The following WDFY4 variants were observed in gnomAD, a reference collection of about 807,000 sequenced individuals.
WDFY4 encodes WD repeat- and FYVE domain-containing protein 4.
A neutral mutation model predicts 351.9 loss-of-function variants in WDFY4; 169 were observed. That is an observed-to-expected ratio of 0.48 (90% CI 0.42 to 0.55). The LOEUF is 0.55. Among genes scored for constraint, WDFY4 ranks in the 20% least tolerant of loss-of-function variants. The pLI, the probability that WDFY4 is intolerant of heterozygous loss-of-function variation, is 0.00. For missense variants in WDFY4, 3,803 were observed against 3,935.6 expected (o/e 0.97, Z 0.90); for synonymous variants, 1,622 against 1,574.6 (o/e 1.03, Z -0.71).
intron 51 of WDFY4, among the ~76,000 whole-genome samples, chr10:48,948,379 G>A (rs1403104225): frequency 1.3e-5 from 2 of 152,206 alleles, no homozygotes; most frequent in African/African-American, 4.8e-5. Context: ...TAATCCACAA[G>A]AAATGATGAT....
intron 55 of WDFY4, chr10:48,968,609 G>A (rs1842192745): frequency 5.8e-6 from 1 of 173,334 alleles, no homozygotes; most frequent in Non-Finnish European, 1.2e-5. Context: ...GAGTCAACAA[G>A]CTGCACCAGG....
intron 57 of WDFY4, among the ~76,000 whole-genome samples, chr10:48,974,527 A>AAAAAAAACAAAACAAC: frequency 8.6e-5 from 2 of 23,198 alleles, no homozygotes; most frequent in African/African-American, 1.4e-4. Context: ...AAAAAAAAAA[A>AAAAAAAACAAAACAAC]AACAACTCAT....
Position 48,952,783 on chromosome 10 carries a change from G to A in WDFY4, c.7978-4346G>A, listed in dbSNP as rs143396923. On this transcript the variant is annotated intron_variant, in intron 51 of 61. Coordinates refer to ENST00000325239, the MANE Select transcript of WDFY4 (RefSeq NM_001394531.1). ...CTAATGGCCACTCTGGGGTCATCCC[G>A]TCCTCTGTGAGAGCAAGACCAAGGA... is the stretch of plus-strand genomic sequence containing the variant. Among the ~76,000 whole-genome samples the A allele has an allele frequency of 2.8e-3, 427 of 152,274 alleles. 2 individuals carry two copies. The highest frequency in any genetic ancestry group is 0.013 in the South Asian group (61 of 4,830).
intron 1 of WDFY4, among the ~76,000 whole-genome samples, chr10:48,687,991 C>T (rs1428292429): frequency 6.6e-6 from 1 of 152,094 alleles, no homozygotes; most frequent in Non-Finnish European, 1.5e-5. Flanking sequence ...CTGTGTTGGT[C>T]AGGCTGGTCT....
intron 47 of WDFY4, among the ~76,000 whole-genome samples, chr10:48,919,069 G>A (rs1181921398): frequency 6.6e-6 from 1 of 151,986 alleles, no homozygotes; most frequent in Non-Finnish European, 1.5e-5. Flanking sequence ...ACTATATTTT[G>A]GGTCATGAAA....
chr10:48,701,305 A>G (rs1299742652), intron 1 of WDFY4, among the ~76,000 whole-genome samples: 2 of 152,156 alleles, frequency 1.3e-5, no homozygotes, highest in Non-Finnish European at 2.9e-5. Context: ...TTGATTACAC[A>G]TTCATCTATC....
intron 2 of WDFY4, among the ~76,000 whole-genome samples, chr10:48,713,966 A>C (rs2063831849): frequency 6.6e-6 from 1 of 152,222 alleles, no homozygotes; most frequent in Non-Finnish European, 1.5e-5. Flanking sequence ...CCAGGTGAGC[A>C]GTTGCTTTCA....
At position 48,826,785 on chromosome 10, in the gene WDFY4, C is replaced by T. The variant is rs1401936806; in HGVS notation, c.6097C>T (p.Leu2033Phe). The change falls in exon 36 of 62, where the codon CTC becomes TTC. Residue 2033 changes from leucine (L) to phenylalanine (F), a missense_variant. Physicochemically the swap from Leu to Phe is conservative, Grantham distance 22. This residue lies in a region of WDFY4 where 3,054 missense variants were observed against 3,148.6 expected (regional missense o/e 0.97). Transcript: ENST00000325239. ...GCCCCAGCAGTCCCTCTCCGAATGC[C>T]TCGGCCTTCTCAGCATCCTGGGCTT... ...SKPQQSLSEC[L>F]GLLSILGFLQ... 2 of 1,551,942 alleles carry T rather than the reference C, an allele frequency of 1.3e-6. No homozygotes were observed. The highest frequency in any genetic ancestry group is 2.0e-5 in the Admixed American group (1 of 51,006).
intron 2 of WDFY4, 82 bp from the exon 3 acceptor site, chr10:48,719,929 G>T: frequency 7.8e-7 from 1 of 1,283,934 alleles, no homozygotes; most frequent in South Asian, 1.3e-5. Flanking sequence ...AGCTTGGGCT[G>T]GTGAAGGGTG....
intron 20 of WDFY4, among the ~76,000 whole-genome samples, chr10:48,787,878 CTTTCTTCTTCTTCTCCTTCTTCTTCTT>C (rs2066482456): frequency 4.4e-5 from 4 of 90,784 alleles, no homozygotes; most frequent in African/African-American, 2.0e-4. Flanking sequence ...TTTCTTCTTT[CTTTCTTCTTCTTCTCCTTCTTCTTCTT>C]CTTCTTCTTC....
intron 12 of WDFY4, 121 bp downstream of exon 12, chr10:48,743,669 G>A: frequency 1.7e-6 from 2 of 1,178,632 alleles, no homozygotes; most frequent in Non-Finnish European, 2.3e-6. Flanking sequence ...GAAATGTCAT[G>A]TGACCTCAAC....
At chr10:48,741,250 T>G (rs918113184) in intron 11 of WDFY4, among the ~76,000 whole-genome samples, 1 of 152,060 alleles carries the variant, frequency 6.6e-6, no homozygotes, top group Non-Finnish European at 1.5e-5. Flanking sequence ...CATTAGAGAA[T>G]AAAATCCCAG....
intron 47 of WDFY4, among the ~76,000 whole-genome samples, chr10:48,912,747 A>G (rs1469407895): frequency 6.6e-6 from 1 of 152,266 alleles, no homozygotes; most frequent in Non-Finnish European, 1.5e-5. Context: ...AACTTCATTC[A>G]TTCACAGCCA....
intron 22 of WDFY4, 119 bp downstream of exon 22, chr10:48,790,104 C>T (rs192125314): frequency 4.5e-5 from 44 of 971,496 alleles, no homozygotes; most frequent in South Asian, 1.6e-4. Context: ...GAACCAGGGT[C>T]GGGAGGACCA....
At chr10:48,702,171 T>A (rs1381625543) in intron 1 of WDFY4, among the ~76,000 whole-genome samples, 2 of 152,112 alleles carry the variant, frequency 1.3e-5, no homozygotes, top group Non-Finnish European at 2.9e-5. Context: ...CTGTATCATC[T>A]CTCTTTATCT....
At chr10:48,741,184 G>T (rs1256330381) in intron 11 of WDFY4, among the ~76,000 whole-genome samples, 1 of 152,046 alleles carries the variant, frequency 6.6e-6, no homozygotes, top group African/African-American at 2.4e-5. Flanking sequence ...TCTCTGACCT[G>T]GAATGTGAGA....
At chr10:48,701,184 G>A (rs149781017) in intron 1 of WDFY4, among the ~76,000 whole-genome samples, 7 of 152,288 alleles carry the variant, frequency 4.6e-5, no homozygotes, top group African/African-American at 7.2e-5. Flanking sequence ...CACAGCATTC[G>A]TCCTTTTGTG....
rs1338981216 is a variant in WDFY4 at position 48,821,318 on chromosome 10, A to G, written c.5824+142A>G. On this transcript the variant is annotated intron_variant, in intron 34 of 61. Transcript: ENST00000325239. ...GTCAGTCCCTCCAGGCATCATCAAC[A>G]AGAACTCCCTGGCTCCTGCCTTGGG... The G allele has an allele frequency of 5.6e-5, 36 of 637,900 alleles. No individual in the cohort carries two copies. In the Admixed American group the frequency reaches 8.1e-4, roughly 14 times the overall value. The allele number at this position is 637,900 out of a possible 1,614,324, so 39.5% of individuals were successfully genotyped here. A position where few individuals can be genotyped will look rare whatever the true frequency, so the allele number is the denominator to read the frequency against.
intron 5 of WDFY4, among the ~76,000 whole-genome samples, chr10:48,724,213 A>G (rs2064188198): frequency 6.6e-6 from 1 of 151,906 alleles, no homozygotes; most frequent in Non-Finnish European, 1.5e-5. Flanking sequence ...GTGGCCCGGG[A>G]GGATACAGAG....
Sources: gnomAD v4.1 joint callset for allele counts (sites outside exome capture counted in the v4.1 genomes callset) on GRCh38, gnomAD v4.1.1 for gene constraint, gnomAD v4.1.1 regional missense constraint, MANE v1.5 for transcripts, NCBI Gene and HGNC (gene_info 2026-07-23, HGNC 2026-07-21) for gene names.